Variants in AVPR1A observed in about 807,000 individuals in gnomAD.
AVPR1A encodes the protein arginine vasopressin receptor 1A, also known as vasopressin V1a receptor.
In AVPR1A, 31 loss-of-function variants were observed where a neutral mutation model predicts 31.5. The observed-to-expected ratio is 0.99, with a 90% CI of 0.74 to 1.33. The LOEUF is 1.33. Among genes scored for constraint, AVPR1A ranks in the 40% most tolerant of loss-of-function variants. The probability of loss-of-function intolerance (pLI) is 0.00; values close to 1 mark genes in which losing one functional copy is unlikely to be tolerated. For missense variants in AVPR1A, 570 were observed against 575.2 expected (o/e 0.99, Z 0.09); for synonymous variants, 243 against 233.2 (o/e 1.04, Z -0.38).
chr12:63,143,492 G>A lies in AVPR1A; in HGVS notation c.*3867C>T, dbSNP rs540242214. On this transcript the variant is annotated 3_prime_UTR_variant, in exon 2 of 2. Transcript: ENST00000299178. ...TATACAATGGAATCTTAAAATGTGTGTGATTCGAACCATTTACACTGTCTT... is the reference window on the plus strand; with the variant it reads ...TATACAATGGAATCTTAAAATGTGTATGATTCGAACCATTTACACTGTCTT... 7 of 152,310 alleles carry A rather than the reference G, an allele frequency of 4.6e-5. No homozygotes were observed. The East Asian group carries it at 1.3e-3, about 29-fold the overall frequency. 9.4% of individuals were successfully genotyped at this position (152,310 alleles called of 1,614,324 possible).
At chr12:63,149,774 TC>T (rs1565878685) in intron 1 of AVPR1A, 92 bp downstream of exon 1, 56,369 of 697,550 alleles carry the variant, frequency 0.081, 532 homozygotes, top group Middle Eastern at 0.1. Flanking sequence ...CATTTTTTTC[TC>T]TCTCTCTCTC....
chr12:63,147,077 C>A lies in AVPR1A; in HGVS notation c.*282G>T. 1 of 349,470 alleles carries A rather than the reference C, an allele frequency of 2.9e-6. No individual in the cohort carries two copies. Among genetic ancestry groups the A allele is most frequent in the Non-Finnish European group, 5.2e-6 (1 of 192,326 alleles). The allele number at this position is 349,470 out of a possible 1,614,324, so 21.6% of individuals were successfully genotyped here. A position where few individuals can be genotyped will look rare whatever the true frequency, so the allele number is the denominator to read the frequency against. On this transcript the variant is annotated 3_prime_UTR_variant, in exon 2 of 2. Transcript: ENST00000299178. ...AAGAAACTAACAACAAAATATAAAG[C>A]TAGGGTGGTTATGATTTTTCCTTTA...
chr12:63,148,338 A>T (rs1868389091), intron 1 of AVPR1A, among the ~76,000 whole-genome samples: 2 of 152,312 alleles, frequency 1.3e-5, no homozygotes, highest in South Asian at 4.1e-4. Context: ...GTGGAGCTAC[A>T]GTGCTGATAA....
chr12:63,150,153 G>A lies in AVPR1A; in HGVS notation c.684C>T (p.Pro228=). 5 of 1,613,980 alleles carry A rather than the reference G, an allele frequency of 3.1e-6. No individual in the cohort carries two copies. The highest frequency in any genetic ancestry group is 4.2e-6 in the Non-Finnish European group (5 of 1,180,052). ...TWMTGGIFVA[P]VVILGTCYGF... ...CGTAGCAGGTACCCAAGATGACCAC[G>A]GGCGCCACAAAGATGCCGCCCGTCA... The change falls in exon 1 of 2, where the codon CCC becomes CCT. Residue 228 remains proline (P), a synonymous_variant. Transcript: ENST00000299178. This position sits in a 1 kb window ranked among gnomAD's most constrained non-coding sequence, Gnocchi z 4.9.
chr12:63,145,240 A>G lies in AVPR1A; in HGVS notation c.*2119T>C. ...AACCTAGGGAGTCCCTAGGTTTATAATCTCTATAAAGCATTTGGAAACATG... is the reference window on the plus strand; with the variant it reads ...AACCTAGGGAGTCCCTAGGTTTATAGTCTCTATAAAGCATTTGGAAACATG... On this transcript the variant is annotated 3_prime_UTR_variant, in exon 2 of 2. Transcript: ENST00000299178. 2.7e-6 allele frequency: 1 copy of G among 365,116 alleles called. No individual in the cohort carries two copies. Among genetic ancestry groups the G allele is most frequent in the African/African-American group, 2.1e-5 (1 of 46,822 alleles). 22.6% of individuals were successfully genotyped at this position (365,116 alleles called of 1,614,324 possible).
Position 63,150,831 on chromosome 12 carries a change from A to G in AVPR1A, c.6T>C (p.Arg2=). The G allele has an allele frequency of 2.5e-6, 4 of 1,584,216 alleles. No individual in the cohort carries two copies. The South Asian group carries it at 4.5e-5, about 18-fold the overall frequency. ...GCCCCGCGTCGGGACCGGCGGAGAGACGCATGCTGTCCATGCAGCTCCTAC... is the reference window on the plus strand; with the variant it reads ...GCCCCGCGTCGGGACCGGCGGAGAGGCGCATGCTGTCCATGCAGCTCCTAC... M[R]LSAGPDAGPS... is the part of the protein sequence containing the mutation. Residue 2 remains arginine, a synonymous_variant, in exon 1 of 2, where the codon CGT becomes CGC. Transcript: ENST00000299178. The surrounding 1 kb of genome is among the most constrained non-coding windows in gnomAD (Gnocchi z 4.9).
rs1868348912 is a variant in AVPR1A, at chr12:63,145,284, C to T, written c.*2075G>A. 2.3e-6 allele frequency: 1 copy of T among 434,664 alleles called. No individual in the cohort carries two copies. Among genetic ancestry groups the T allele is most frequent in the Non-Finnish European group, 4.5e-6 (1 of 221,136 alleles). 26.9% of individuals were successfully genotyped at this position (434,664 alleles called of 1,614,324 possible). ...AAACATGTTTTTAGGCCTATCAATA[C>T]AAGGAGCCTAAGGGCTGAGAATTTC... On this transcript the variant is annotated 3_prime_UTR_variant, in exon 2 of 2. Transcript: ENST00000299178.
Position 63,150,693 on chromosome 12 carries a change from C to T in AVPR1A, c.144G>A (p.Glu48=). 6.2e-7 allele frequency: 1 copy of T among 1,607,478 alleles called. No individual in the cohort carries two copies. Among genetic ancestry groups the T allele is most frequent in the African/African-American group, 1.3e-5 (1 of 75,050 alleles). Reference sequence around the variant, plus strand: ...CGGCGATCTCCAGTTTGGCCAGCTCCTCGTTGCGCACGTCCCTCGGTGGGC... The same window carrying T: ...CGGCGATCTCCAGTTTGGCCAGCTCTTCGTTGCGCACGTCCCTCGGTGGGC... ...GNGPPRDVRN[E]ELAKLEIAVL... is the part of the protein sequence containing the mutation. Residue 48 remains glutamate (E), a synonymous_variant, in exon 1 of 2, where the codon GAG becomes GAA. Transcript: ENST00000299178. The surrounding 1 kb of genome is among the most constrained non-coding windows in gnomAD (Gnocchi z 4.9).
At position 63,144,195 on chromosome 12, in the gene AVPR1A, A is replaced by G. The variant is rs1592330862; in HGVS notation, c.*3164T>C. 5 of 152,236 alleles carry G rather than the reference A, an allele frequency of 3.3e-5. No individual in the cohort carries two copies. In the South Asian group the frequency reaches 1.0e-3, roughly 32 times the overall value. The allele number at this position is 152,236 out of a possible 1,614,324, so 9.4% of individuals were successfully genotyped here. A position where few individuals can be genotyped will look rare whatever the true frequency, so the allele number is the denominator to read the frequency against. ...TAGAAATTCTATATGTAAAACAAGT[A>G]TATAATTAACCCAAGAATTTCACTG... is the stretch of plus-strand genomic sequence containing the variant. On this transcript the variant is annotated 3_prime_UTR_variant, in exon 2 of 2. Transcript: ENST00000299178.
At chr12:63,149,792 TCTCTCTCACA>T (rs1868425004) in intron 1 of AVPR1A, 65 bp downstream of exon 1, 2 of 1,430,298 alleles carry the variant, frequency 1.4e-6, no homozygotes, top group South Asian at 1.4e-5. Flanking sequence ...TCTCTCTCTC[TCTCTCTCACA>T]CACACACACA....
chr12:63,145,211 T>G lies in AVPR1A; in HGVS notation c.*2148A>C, dbSNP rs1285144816. On this transcript the variant is annotated 3_prime_UTR_variant, in exon 2 of 2. Coordinates refer to ENST00000299178, the MANE Select transcript of AVPR1A (RefSeq NM_000706.5). ...TTTGTTATTTTTAGAAAGAAGAATT[T>G]GAAAACCTAGGGAGTCCCTAGGTTT... 9 of 307,816 alleles carry G rather than the reference T, an allele frequency of 2.9e-5. No homozygotes were observed. The highest frequency in any genetic ancestry group is 1.8e-4 in the Admixed American group (4 of 22,636). The allele number at this position is 307,816 out of a possible 1,614,324, so 19.1% of individuals were successfully genotyped here. A position where few individuals can be genotyped will look rare whatever the true frequency, so the allele number is the denominator to read the frequency against.
rs1430551830 is a variant in AVPR1A, at chr12:63,143,650, T to C, written c.*3709A>G. Reference sequence around the variant, plus strand: ...ATGTTACTTATGATTCCAAATGTTGTCAACAATACTGAGTAGTACCAAAAG... The same window carrying C: ...ATGTTACTTATGATTCCAAATGTTGCCAACAATACTGAGTAGTACCAAAAG... On this transcript the variant is annotated 3_prime_UTR_variant, in exon 2 of 2. Coordinates refer to ENST00000299178, the MANE Select transcript of AVPR1A (RefSeq NM_000706.5). The C allele has an allele frequency of 2.6e-5, 4 of 152,084 alleles. No individual in the cohort carries two copies. Among genetic ancestry groups the C allele is most frequent in the Non-Finnish European group, 5.9e-5 (4 of 68,010 alleles). 9.4% of individuals were successfully genotyped at this position (152,084 alleles called of 1,614,324 possible). A position where few individuals can be genotyped will look rare whatever the true frequency, so the allele number is the denominator to read the frequency against.
intron 1 of AVPR1A, among the ~76,000 whole-genome samples, chr12:63,149,324 C>T (rs1177182526): frequency 6.6e-6 from 1 of 152,144 alleles, no homozygotes; most frequent in East Asian, 1.9e-4. Flanking sequence ...TTTTCTCCAG[C>T]TTTCTTTAGA....
chr12:63,148,022 TA>T (rs1868383942), intron 1 of AVPR1A, among the ~76,000 whole-genome samples: 1 of 152,222 alleles, frequency 6.6e-6, no homozygotes, highest in African/African-American at 2.4e-5. Context: ...AATTTTAAGA[TA>T]ATTTTAAATA....
rs1387200841 is a variant in AVPR1A, at chr12:63,150,601, G to A, written c.236C>T (p.Thr79Met). ...NSSVLLALHR[T>M]PRKTSRMHLF... is the part of the protein sequence containing the mutation. The stretch of plus-strand genomic sequence containing the variant: ...GTGCATGCGGGACGTCTTGCGCGGC[G>A]TCCGGTGCAGAGCCAGCAGTACGCT... The change falls in exon 1 of 2, where the codon ACG becomes ATG. Residue 79 changes from threonine (T) to methionine (M), a missense_variant. Transcript: ENST00000299178. The surrounding 1 kb of genome is among the most constrained non-coding windows in gnomAD (Gnocchi z 4.9). The A allele has an allele frequency of 1.2e-6, 2 of 1,610,382 alleles. No homozygotes were observed. Among genetic ancestry groups the A allele is most frequent in the Admixed American group, 1.7e-5 (1 of 59,990 alleles).
Position 63,150,337 on chromosome 12 carries a change from G to A in AVPR1A, c.500C>T (p.Ser167Leu). 3 of 1,613,884 alleles carry A rather than the reference G, an allele frequency of 1.9e-6. No homozygotes were observed. The highest frequency in any genetic ancestry group is 1.1e-5 in the South Asian group (1 of 91,056). ...CCAGGCGGCCGCGATCATGAGGCGC[G>A]AGCGGCGCGCGGGCTGTTGCAGAGT... ...LKTLQQPARR[S>L]RLMIAAAWVL... is the part of the protein sequence containing the mutation. The change falls in exon 1 of 2, where the codon TCG (serine) becomes TTG (leucine). Residue 167 changes from serine to leucine, a missense_variant. Coordinates refer to ENST00000299178, the MANE Select transcript of AVPR1A (RefSeq NM_000706.5). The surrounding 1 kb of genome is among the most constrained non-coding windows in gnomAD (Gnocchi z 4.9).
rs1210867120 is a variant in AVPR1A at position 63,150,634 on chromosome 12, C to T, written c.203G>A (p.Gly68Asp). 2 of 1,609,274 alleles carry T rather than the reference C, an allele frequency of 1.2e-6. No homozygotes were observed. The highest frequency in any genetic ancestry group is 1.7e-5 in the Admixed American group (1 of 59,978). Residue 68 changes from glycine (G) to aspartate (D), a missense_variant, in exon 1 of 2, where the codon GGC (glycine) becomes GAC (aspartate). By Grantham distance (94) the Gly-to-Asp change is moderately conservative. Coordinates refer to ENST00000299178, the MANE Select transcript of AVPR1A (RefSeq NM_000706.5). The surrounding 1 kb of genome is among the most constrained non-coding windows in gnomAD (Gnocchi z 4.9). ...CAGAGCCAGCAGTACGCTGCTGTTG[C>T]CCAGCACGGCCACCGCGAAAGTCAC... Reference protein sequence around the residue: ...LAVTFAVAVLGNSSVLLALHR... With the variant: ...LAVTFAVAVLDNSSVLLALHR...
Position 63,145,047 on chromosome 12 carries a change from A to G in AVPR1A, c.*2312T>C, listed in dbSNP as rs1196342927. On this transcript the variant is annotated 3_prime_UTR_variant, in exon 2 of 2. Coordinates refer to ENST00000299178, the MANE Select transcript of AVPR1A (RefSeq NM_000706.5). ...TCTTAGTTCCAAACCAAAAAGCTTT[A>G]GTTTTTGAACTATCAAAGAGTTGTT... The G allele has an allele frequency of 6.4e-6, 1 of 156,760 alleles. No individual in the cohort carries two copies. Among genetic ancestry groups the G allele is most frequent in the African/African-American group, 2.4e-5 (1 of 41,486 alleles). 9.7% of individuals were successfully genotyped at this position (156,760 alleles called of 1,614,324 possible).
At chr12:63,147,969 T>C (rs1868383389) in intron 1 of AVPR1A, among the ~76,000 whole-genome samples, 1 of 152,214 alleles carries the variant, frequency 6.6e-6, no homozygotes, top group Non-Finnish European at 1.5e-5. Flanking sequence ...AACTAGCATG[T>C]GCTAATGACA....
Sources: gnomAD v4.1 joint callset for allele counts (sites outside exome capture counted in the v4.1 genomes callset) on GRCh38, gnomAD v4.1.1 for gene constraint, Gnocchi (gnomAD v3.1) non-coding constraint, MANE v1.5 for transcripts, NCBI Gene and HGNC (gene_info 2026-07-23, HGNC 2026-07-21) for gene names.